The following SMYD3 variants were observed in gnomAD, a reference collection of about 807,000 sequenced individuals.
SMYD3 encodes the protein SET and MYND domain containing 3, also known as histone-lysine N-methyltransferase SMYD3.
In SMYD3, 36 loss-of-function variants were observed where a neutral mutation model predicts 57.7. That is an observed-to-expected ratio of 0.62 (90% CI 0.48 to 0.82). The LOEUF is 0.82. Among genes scored for constraint, SMYD3 ranks in the 40% least tolerant of loss-of-function variants. The pLI is 0.00. For synonymous variants in SMYD3, 211 were observed against 195.0 expected (o/e 1.08, Z -0.68); for missense variants, 515 against 538.8 (o/e 0.96, Z 0.44).
chr1:246,503,464 G>T (rs1420703106), intron 1 of SMYD3, among the ~76,000 whole-genome samples: 1 of 152,184 alleles, frequency 6.6e-6, no homozygotes, highest in Non-Finnish European at 1.5e-5. Flanking sequence ...CTCCCATGTG[G>T]TAGGCCCTGG....
chr1:246,330,382 TA>T, intron 4 of SMYD3, 97 bp downstream of exon 4: 1 of 980,686 alleles, frequency 1.0e-6, no homozygotes, highest in Non-Finnish European at 1.5e-6. Flanking sequence ...CATCACATTA[TA>T]AAGAAACAGA....
intron 1 of SMYD3, among the ~76,000 whole-genome samples, chr1:246,481,328 T>C (rs112847875): frequency 1.3e-5 from 2 of 151,862 alleles, no homozygotes; most frequent in African/African-American, 4.8e-5. Flanking sequence ...AAAAATAGCA[T>C]TTGAATTGGT....
chr1:245,809,848 T>C (rs1343073700), intron 10 of SMYD3, among the ~76,000 whole-genome samples: 1 of 152,188 alleles, frequency 6.6e-6, no homozygotes, highest in Non-Finnish European at 1.5e-5. Flanking sequence ...CTTGACAACT[T>C]ATTATTGTAA....
At chr1:246,018,408 G>C (rs1018922176) in intron 5 of SMYD3, among the ~76,000 whole-genome samples, 1 of 152,066 alleles carries the variant, frequency 6.6e-6, no homozygotes, top group African/African-American at 2.4e-5. Context: ...AGGACCCCAC[G>C]CTCCACAGTC....
intron 5 of SMYD3, among the ~76,000 whole-genome samples, chr1:246,143,442 C>G (rs1281070650): frequency 1.3e-5 from 2 of 152,006 alleles, no homozygotes; most frequent in African/African-American, 2.4e-5. Flanking sequence ...TGTGGGAGGC[C>G]AAGGCAGGTG....
At chr1:246,249,515 TTTTTGTTTTTTTTGTA>T (rs1430520280) in intron 5 of SMYD3, among the ~76,000 whole-genome samples, 1 of 135,224 alleles carries the variant, frequency 7.4e-6, no homozygotes, top group Non-Finnish European at 1.6e-5. Context: ...GGATCCTAGT[TTTTTGTTTTTTTTGTA>T]TTTTTTTTTG....
chr1:245,918,497 A>G (rs575381220), intron 7 of SMYD3, among the ~76,000 whole-genome samples: 1 of 152,364 alleles, frequency 6.6e-6, no homozygotes, highest in East Asian at 1.9e-4. Flanking sequence ...CTGAGACAAC[A>G]GCCACTTTTT....
intron 5 of SMYD3, among the ~76,000 whole-genome samples, chr1:245,950,245 C>T (rs570895845): frequency 9.9e-5 from 15 of 152,166 alleles, no homozygotes; most frequent in African/African-American, 3.6e-4. Context: ...TGGATATTTC[C>T]TCTTGGTAAT....
chr1:246,048,000 T>G (rs546725835), intron 5 of SMYD3, among the ~76,000 whole-genome samples: 5 of 152,250 alleles, frequency 3.3e-5, no homozygotes, highest in African/African-American at 9.6e-5. Context: ...AAGAGACAAG[T>G]GACATCCTAG....
At chr1:246,347,831 G>C (rs1358074460) in intron 2 of SMYD3, among the ~76,000 whole-genome samples, 1 of 151,964 alleles carries the variant, frequency 6.6e-6, no homozygotes, top group Non-Finnish European at 1.5e-5. Context: ...CACTGATGGT[G>C]GGAATGTAAA....
At chr1:245,898,813 T>C (rs952685071) in intron 8 of SMYD3, among the ~76,000 whole-genome samples, 2 of 152,248 alleles carry the variant, frequency 1.3e-5, no homozygotes, top group African/African-American at 4.8e-5. Flanking sequence ...CAGCACGCTA[T>C]GTTCTTGCCA....
intron 1 of SMYD3, among the ~76,000 whole-genome samples, chr1:246,385,716 C>T (rs985840844): frequency 6.6e-6 from 1 of 152,196 alleles, no homozygotes; most frequent in African/African-American, 2.4e-5. Flanking sequence ...AAAGCGGGAA[C>T]TGTGTAGAGC....
At chr1:246,015,743 C>A (rs2059365637) in intron 5 of SMYD3, among the ~76,000 whole-genome samples, 1 of 152,100 alleles carries the variant, frequency 6.6e-6, no homozygotes, top group East Asian at 1.9e-4. Flanking sequence ...CAAGGTTCAC[C>A]CATGTTATAG....
At chr1:245,878,259 G>A (rs2052595841) in intron 8 of SMYD3, among the ~76,000 whole-genome samples, 1 of 152,200 alleles carries the variant, frequency 6.6e-6, no homozygotes, top group African/African-American at 2.4e-5. Flanking sequence ...CAAGAGCTGA[G>A]CTGGAAAAAG....
chr1:245,806,061 C>T (rs1264326250), intron 10 of SMYD3, among the ~76,000 whole-genome samples: 1 of 152,154 alleles, frequency 6.6e-6, no homozygotes, highest in Non-Finnish European at 1.5e-5. Flanking sequence ...TACTATGTGT[C>T]AGAGAATATG....
chr1:245,854,548 G>T (rs1256533455), intron 10 of SMYD3, among the ~76,000 whole-genome samples: 2 of 152,052 alleles, frequency 1.3e-5, no homozygotes, highest in South Asian at 2.1e-4. Context: ...ACACTCTCTT[G>T]TAAAGTGAAA....
chr1:246,036,708 T>C (rs1254372466), intron 5 of SMYD3, among the ~76,000 whole-genome samples: 121 of 119,432 alleles, frequency 1.0e-3, no homozygotes, highest in Middle Eastern at 4.0e-3. Context: ...CGCCTGCCAC[T>C]AAGCCCGGCT....
intron 8 of SMYD3, 125 bp from the exon 9 acceptor site, chr1:245,864,011 C>A: frequency 1.3e-6 from 1 of 795,212 alleles, no homozygotes; most frequent in Non-Finnish European, 2.0e-6. Context: ...CATCATTTAT[C>A]ATCAGGGAAA....
chr1:245,940,554 T>C (rs2147893107), intron 5 of SMYD3, among the ~76,000 whole-genome samples: 1 of 146,286 alleles, frequency 6.8e-6, no homozygotes, highest in East Asian at 2.0e-4. Flanking sequence ...GAAGAGGGTC[T>C]TGACTGTTAA....
Sources: gnomAD v4.1 joint callset for allele counts (sites outside exome capture counted in the v4.1 genomes callset) on GRCh38, gnomAD v4.1.1 for gene constraint, MANE v1.5 for transcripts, NCBI Gene and HGNC (gene_info 2026-07-23, HGNC 2026-07-21) for gene names.